Variants in UGGT1 observed in about 807,000 individuals in gnomAD.
The protein encoded by UGGT1 is UDP-glucose:glycoprotein glucosyltransferase 1.
In UGGT1, 107 loss-of-function variants were observed where a neutral mutation model predicts 203.9. That is an observed-to-expected ratio of 0.52 (90% CI 0.45 to 0.62). The LOEUF (loss-of-function observed/expected upper bound fraction) is 0.62. Ranked by LOEUF, UGGT1 falls within the 20% of genes least tolerant of loss-of-function variation. UGGT1 has a pLI of 0.00. For synonymous variants in UGGT1, 628 were observed against 653.5 expected (o/e 0.96, Z 0.59); for missense variants, 1,673 against 1,867.2 (o/e 0.90, Z 1.92).
intron 39 of UGGT1, 38 bp downstream of exon 39, chr2:128,186,837 C>T: frequency 2.1e-6 from 3 of 1,435,962 alleles, no homozygotes; most frequent in Non-Finnish European, 2.9e-6. Flanking sequence ...TGTTCATCCA[C>T]TGGATGTGTG....
At position 128,143,077 on chromosome 2, in the gene UGGT1, G is replaced by GT; in HGVS notation, c.1720-11dup. ...AACTTAAAAGTGTAGTTAACCAACT[G>GT]TTTTTTCTTTCTTCAGATCTATAAC... On this transcript the variant is annotated splice_polypyrimidine_tract_variant and intron_variant, in intron 16 of 40. Coordinates refer to ENST00000259253, the MANE Select transcript of UGGT1 (RefSeq NM_020120.4). 1 of 1,573,048 alleles carries GT rather than the reference G, an allele frequency of 6.4e-7. No homozygotes were observed. The highest frequency in any genetic ancestry group is 8.6e-7 in the Non-Finnish European group (1 of 1,162,660).
intron 34 of UGGT1, 113 bp downstream of exon 34, chr2:128,178,682 C>T: frequency 1.2e-6 from 1 of 869,450 alleles, no homozygotes; most frequent in South Asian, 1.7e-5. Context: ...GTCTTTGAAG[C>T]ACTCTGAGCA....
At chr2:128,152,532 A>G (rs571173583) in intron 18 of UGGT1, among the ~76,000 whole-genome samples, 1 of 152,284 alleles carries the variant, frequency 6.6e-6, no homozygotes, top group South Asian at 2.1e-4. Flanking sequence ...TCTGTGCCTT[A>G]GCTTCCTCAT....
chr2:128,176,660 C>CAGA (rs1691410226), intron 31 of UGGT1, among the ~76,000 whole-genome samples, 154 bp from the exon 32 acceptor site: 1 of 152,162 alleles, frequency 6.6e-6, no homozygotes, highest in Non-Finnish European at 1.5e-5. Context: ...TCAACACGTG[C>CAGA]TTCTGTGCAG....
At chr2:128,147,363 A>G (rs1689740896) in intron 18 of UGGT1, among the ~76,000 whole-genome samples, 1 of 152,176 alleles carries the variant, frequency 6.6e-6, no homozygotes, top group South Asian at 2.1e-4. Flanking sequence ...GTTTATAGAT[A>G]TTATTTGGTG....
intron 30 of UGGT1, 55 bp downstream of exon 30, chr2:128,173,994 A>G (rs1691246403): frequency 4.4e-6 from 7 of 1,575,050 alleles, no homozygotes; most frequent in African/African-American, 1.3e-5. Flanking sequence ...TTTGGGCACT[A>G]TAATTTATGA....
intron 38 of UGGT1, among the ~76,000 whole-genome samples, chr2:128,185,199 CTTT>C (rs1216222009): frequency 2.2e-5 from 3 of 136,236 alleles, no homozygotes. Context: ...TTGTTTCTCT[CTTT>C]TTTTTTTTTT....
At chr2:128,177,483 G>C (rs533995838) in intron 32 of UGGT1, among the ~76,000 whole-genome samples, 2 of 151,872 alleles carry the variant, frequency 1.3e-5, no homozygotes, top group South Asian at 4.2e-4. Flanking sequence ...AACAGCTAGA[G>C]CCCCCAGCAG....
chr2:128,133,294 G>T, intron 14 of UGGT1, 34 bp downstream of exon 14: 1 of 1,557,692 alleles, frequency 6.4e-7, no homozygotes, highest in African/African-American at 1.7e-5. Context: ...TGTGAACTCT[G>T]TTTCTCCCTT....
intron 30 of UGGT1, among the ~76,000 whole-genome samples, chr2:128,174,393 G>C (rs897134987): frequency 6.6e-6 from 1 of 150,580 alleles, no homozygotes; most frequent in Non-Finnish European, 1.5e-5. Context: ...CCGCCTCCCA[G>C]GTTCAAGCAA....
At chr2:128,161,103 C>T in intron 24 of UGGT1, 35 bp from the exon 25 acceptor site, 1 of 1,610,668 alleles carries the variant, frequency 6.2e-7, no homozygotes, top group Non-Finnish European at 8.5e-7. Flanking sequence ...AGGCAGCCTT[C>T]CAGAGCTAAG....
intron 23 of UGGT1, 121 bp downstream of exon 23, chr2:128,159,841 A>G (rs1558805612): frequency 2.3e-6 from 2 of 862,646 alleles, no homozygotes; most frequent in African/African-American, 3.5e-5. Flanking sequence ...GTCTCAGGGA[A>G]TTTTTTTTTT....
chr2:128,159,171 C>T (rs548888331), intron 22 of UGGT1, among the ~76,000 whole-genome samples: 1 of 145,226 alleles, frequency 6.9e-6, no homozygotes, highest in East Asian at 2.0e-4. Context: ...GTGATCTTGG[C>T]TCAGTGCAAC....
rs1412311186 is a variant in UGGT1, at chr2:128,191,128, C to T, written c.*1386C>T. On this transcript the variant is annotated 3_prime_UTR_variant, in exon 41 of 41. Coordinates refer to ENST00000259253, the MANE Select transcript of UGGT1 (RefSeq NM_020120.4). ...CAGGCACGCTCTGTCTTCCAACGTG[C>T]ACCAGCCTTTTCTTACATATTTTGC... The T allele has an allele frequency of 1.3e-5, 2 of 152,372 alleles. No homozygotes were observed. Among genetic ancestry groups the T allele is most frequent in the East Asian group, 3.9e-4 (2 of 5,180 alleles). The allele number at this position is 152,372 out of a possible 1,614,324, so 9.4% of individuals were successfully genotyped here.
rs2104813094 is a variant in UGGT1, at chr2:128,179,883, G to C, written c.3900+13G>C. 1 of 1,601,266 alleles carries C rather than the reference G, an allele frequency of 6.2e-7. No homozygotes were observed. The highest frequency in any genetic ancestry group is 2.2e-5 in the East Asian group (1 of 44,728). On this transcript the variant is annotated intron_variant, in intron 35 of 40. Transcript: ENST00000259253. Reference sequence around the variant, plus strand: ...CCCCACATTTAAGGTTTGTTTCACAGAGAAAGGGAAAACATTCTTATTAAG... The same window carrying C: ...CCCCACATTTAAGGTTTGTTTCACACAGAAAGGGAAAACATTCTTATTAAG...
intron 29 of UGGT1, among the ~76,000 whole-genome samples, chr2:128,173,246 A>G (rs1420006812): frequency 6.6e-6 from 1 of 152,236 alleles, no homozygotes; most frequent in Non-Finnish European, 1.5e-5. Context: ...TATTTTATTT[A>G]TGGACATATC....
intron 31 of UGGT1, among the ~76,000 whole-genome samples, chr2:128,176,338 G>A (rs560489316): frequency 4.6e-5 from 7 of 151,510 alleles, no homozygotes; most frequent in Admixed American, 2.0e-4. Context: ...CTTGAACCCC[G>A]GAGGTGGAGG....
rs182071436 is a variant in UGGT1 at position 128,104,022 on chromosome 2, T to C, written c.277+8T>C. On this transcript the variant is annotated splice_region_variant and intron_variant, in intron 3 of 40. Coordinates refer to ENST00000259253, the MANE Select transcript of UGGT1 (RefSeq NM_020120.4). ...GATCATCAGATCATGACGGTAAAAT[T>C]GAAGCAAATGCTTCTTTGACTTTGG... is the stretch of plus-strand genomic sequence containing the variant. 1.3e-6 allele frequency: 2 copies of C among 1,536,282 alleles called. No individual in the cohort carries two copies. Among genetic ancestry groups the C allele is most frequent in the African/African-American group, 2.8e-5 (2 of 71,046 alleles).
intron 18 of UGGT1, chr2:128,151,168 C>T (rs953833105): frequency 2.1e-6 from 1 of 473,028 alleles, no homozygotes; most frequent in Non-Finnish European, 4.0e-6. Flanking sequence ...CTTAATTTCA[C>T]CTGCAGCCAG....
Sources: gnomAD v4.1 joint callset for allele counts (sites outside exome capture counted in the v4.1 genomes callset) on GRCh38, gnomAD v4.1.1 for gene constraint, MANE v1.5 for transcripts, NCBI Gene and HGNC (gene_info 2026-07-23, HGNC 2026-07-21) for gene names.